The following INPP5J variants were observed in gnomAD, a reference collection of about 807,000 sequenced individuals.
The protein encoded by INPP5J is phosphatidylinositol 4,5-bisphosphate 5-phosphatase A.
Under a neutral mutation model 86.6 loss-of-function variants are expected in INPP5J, and 75 were observed. That is an observed-to-expected ratio of 0.87 (90% CI 0.72 to 1.05). INPP5J has a LOEUF of 1.05. Among genes scored for constraint, INPP5J ranks in the 50% least tolerant of loss-of-function variants. The pLI, the probability that INPP5J is intolerant of heterozygous loss-of-function variation, is 0.00. For missense variants in INPP5J, 1,229 were observed against 1,341.2 expected, an observed-to-expected ratio of 0.92 and a Z score of 1.31; for synonymous variants, 540 against 550.0, an observed-to-expected ratio of 0.98 and a Z score of 0.25.
intron 2 of INPP5J, 131 bp from the exon 3 acceptor site, chr22:31,126,245 C>T: frequency 2.4e-6 from 2 of 845,940 alleles, no homozygotes; most frequent in Non-Finnish European, 3.7e-6. Flanking sequence ...GATTCGGGGC[C>T]TCCTGTGGGT....
intron 12 of INPP5J, 40 bp downstream of exon 12, chr22:31,133,754 C>T: frequency 6.3e-7 from 1 of 1,581,752 alleles, no homozygotes; most frequent in Non-Finnish European, 8.7e-7. Flanking sequence ...TGCCTAAAGA[C>T]TTTTGTCAAA....
In INPP5J at chr22:31,125,852, A is replaced by G. The variant is rs1323491837; in HGVS notation, c.1113A>G (p.Pro371=). 6.2e-7 allele frequency: 1 copy of G among 1,610,432 alleles called. No homozygotes were observed. Among genetic ancestry groups the G allele is most frequent in the East Asian group, 2.2e-5 (1 of 44,736 alleles). The part of the protein sequence containing the change: ...CVPPAPDMAL[P]RLGTQSTGPG... ...CCCCAGCCCCTGACATGGCCCTCCC[A>G]AGGCTTGGCACACAGAGTACAGGGC... The change falls in exon 2 of 13, where the codon CCA becomes CCG. Residue 371 remains proline (P), a synonymous_variant. Transcript: ENST00000331075.
rs932174912 is a variant in INPP5J, at chr22:31,125,530, G to A, written c.791G>A (p.Gly264Asp). The change falls in exon 2 of 13, where the codon GGC becomes GAC. Residue 264 changes from glycine to aspartate, a missense_variant. By Grantham distance (94) the Gly-to-Asp change is moderately conservative (BLOSUM62 -1). Transcript: ENST00000331075. ...QPPAQTSGPT[G>D]SPPCIQTSPD... ...CCAGCTCAGACATCTGGTCCTACAG[G>A]CTCCCCACCCTGCATCCAAACCTCC... 4 of 1,550,320 alleles carry A rather than the reference G, an allele frequency of 2.6e-6. No homozygotes were observed. The highest frequency in any genetic ancestry group is 3.5e-6 in the Non-Finnish European group (4 of 1,146,962).
In INPP5J at chr22:31,133,433, G is replaced by A. The variant is rs1323984758; in HGVS notation, c.2359G>A (p.Val787Met). 1 of 1,613,820 alleles carries A rather than the reference G, an allele frequency of 6.2e-7. No individual in the cohort carries two copies. Among genetic ancestry groups the A allele is most frequent in the Non-Finnish European group, 8.5e-7 (1 of 1,179,876 alleles). Residue 787 changes from valine (V) to methionine (M), a missense_variant, in exon 11 of 13, where the codon GTG (valine) becomes ATG (methionine). Val to Met is a conservative substitution (Grantham distance 21). Coordinates refer to ENST00000331075, the MANE Select transcript of INPP5J (RefSeq NM_001284285.2). ...RVGFRHCKDY[V>M]AYVWAKHEDV... The stretch of plus-strand genomic sequence containing the variant: ...GGGTTTCCGCCATTGCAAGGACTAT[G>A]TGGCTTATGTCTGGGCCAAACATGA...
chr22:31,126,139 G>C, intron 2 of INPP5J, 129 bp downstream of exon 2: 1 of 990,920 alleles, frequency 1.0e-6, no homozygotes, highest in Non-Finnish European at 1.4e-6. Flanking sequence ...GGGGGTTGCT[G>C]GGCCCACTCT....
chr22:31,126,045 GC>G (rs774045269), intron 2 of INPP5J, 35 bp downstream of exon 2: 1,024 of 1,515,150 alleles, frequency 6.8e-4, no homozygotes, highest in Non-Finnish European at 6.4e-4. Flanking sequence ...GGTGGCTGGG[GC>G]TTAGCTCTGA....
rs1205087472 is a variant in INPP5J, at chr22:31,128,352, G to A, written c.2009+29G>A. 5 of 1,567,828 alleles carry A rather than the reference G, an allele frequency of 3.2e-6. No homozygotes were observed. The African/African-American group carries it at 4.1e-5, about 13-fold the overall frequency. The stretch of plus-strand genomic sequence containing the variant: ...AGCTCAGTCCGAGGAGGGACTGAGG[G>A]GAAGTGGGCTGAGGTCTTCTCGAAC... On this transcript the variant is annotated intron_variant, in intron 8 of 12. Transcript: ENST00000331075.
At position 31,134,528 on chromosome 22, in the gene INPP5J, C is replaced by G; in HGVS notation, c.*109C>G. 3 of 1,207,442 alleles carry G rather than the reference C, an allele frequency of 2.5e-6. No homozygotes were observed. The highest frequency in any genetic ancestry group is 3.3e-6 in the Non-Finnish European group (3 of 907,886). 74.8% of individuals were successfully genotyped at this position (1,207,442 alleles called of 1,614,324 possible). On this transcript the variant is annotated 3_prime_UTR_variant, in exon 13 of 13. Transcript: ENST00000331075. ...TCCAGCTGTATCTGCACCTGCCTCT[C>G]TGTCCTGGCCAGGGGTGGACAACTG...
At chr22:31,133,070 G>T in intron 9 of INPP5J, 28 bp from the exon 10 acceptor site, 1 of 1,553,496 alleles carries the variant, frequency 6.4e-7, no homozygotes, top group Non-Finnish European at 8.7e-7. Flanking sequence ...CCCTGATGTG[G>T]CCCCCTGCCC....
At chr22:31,133,873 T>C (rs771628185) in intron 12 of INPP5J, 40 bp from the exon 13 acceptor site, 2 of 1,597,488 alleles carry the variant, frequency 1.3e-6, no homozygotes, top group Admixed American at 3.4e-5. Context: ...AGTGGCTGGG[T>C]TGGGGAGCAG....
In INPP5J at chr22:31,134,106, C is replaced by T. The variant is rs1245377281; in HGVS notation, c.2708C>T (p.Ser903Phe). Reference sequence around the variant, plus strand: ...CCTGGGCTTGCCCTACGGCCCTCATCCCGTGAACGCCGTGGTGCCAGCCGT... The same window carrying T: ...CCTGGGCTTGCCCTACGGCCCTCATTCCGTGAACGCCGTGGTGCCAGCCGT... ...RFPGLALRPSSRERRGASRSP... is the reference protein window; with the variant it reads ...RFPGLALRPSFRERRGASRSP... The change falls in exon 13 of 13, where the codon TCC (serine) becomes TTC (phenylalanine). Residue 903 changes from serine (S) to phenylalanine (F), a missense_variant. By Grantham distance (155) the Ser-to-Phe change is radical (BLOSUM62 -2). Transcript: ENST00000331075. 3 of 1,552,690 alleles carry T rather than the reference C, an allele frequency of 1.9e-6. No individual in the cohort carries two copies. The highest frequency in any genetic ancestry group is 2.0e-5 in the Admixed American group (1 of 51,158).
At chr22:31,133,010 T>C in intron 9 of INPP5J, 88 bp from the exon 10 acceptor site, 1 of 1,513,222 alleles carries the variant, frequency 6.6e-7, no homozygotes, top group Non-Finnish European at 8.9e-7. Flanking sequence ...TCTCAGGCAA[T>C]TTGTGCTAAG....
rs1602732787 is a variant in INPP5J, at chr22:31,127,264, C to T, written c.1612-93C>T. On this transcript the variant is annotated intron_variant, in intron 5 of 12. Coordinates refer to ENST00000331075, the MANE Select transcript of INPP5J (RefSeq NM_001284285.2). The stretch of plus-strand genomic sequence containing the variant: ...CCTCATTTCTGTAGGACCCACCCAC[C>T]TTCCACCCACATCTCCTCTCTAACC... 6 of 1,228,934 alleles carry T rather than the reference C, an allele frequency of 4.9e-6. No homozygotes were observed. The East Asian group carries it at 1.5e-4, about 31-fold the overall frequency. The allele number at this position is 1,228,934 out of a possible 1,614,324, so 76.1% of individuals were successfully genotyped here.
chr22:31,123,529 A>C (rs1921062719), intron 1 of INPP5J, among the ~76,000 whole-genome samples: 1 of 152,216 alleles, frequency 6.6e-6, no homozygotes, highest in Admixed American at 6.5e-5. Context: ...GGAAGCCGGC[A>C]CACAGTGTGA....
intron 5 of INPP5J, 126 bp downstream of exon 5, chr22:31,127,163 C>A (rs986976806): frequency 1.2e-6 from 1 of 815,502 alleles, no homozygotes; most frequent in South Asian, 1.6e-5. Flanking sequence ...CCAGCCCCCC[C>A]ATGCACCACC....
At chr22:31,128,830 A>G (rs947251914) in intron 9 of INPP5J, among the ~76,000 whole-genome samples, 176 bp downstream of exon 9, 3 of 152,264 alleles carry the variant, frequency 2.0e-5, no homozygotes, top group Admixed American at 2.0e-4. Context: ...GCTGAGGCTC[A>G]GACACATGGC....
In INPP5J at chr22:31,125,511, C is replaced by G. The variant is rs936927867; in HGVS notation, c.772C>G (p.Gln258Glu). 9 of 1,550,422 alleles carry G rather than the reference C, an allele frequency of 5.8e-6. No homozygotes were observed. In the African/African-American group the frequency reaches 1.1e-4, roughly 19 times the overall value. Residue 258 changes from glutamine (Q) to glutamate (E), a missense_variant, in exon 2 of 13, where the codon CAG (glutamine) becomes GAG (glutamate). By Grantham distance (29) the Gln-to-Glu change is conservative. Coordinates refer to ENST00000331075, the MANE Select transcript of INPP5J (RefSeq NM_001284285.2). ...ASEGHLQPPAQTSGPTGSPPC... is the reference protein window; with the variant it reads ...ASEGHLQPPAETSGPTGSPPC... ...TGAGGGGCATCTCCAGCCTCCAGCT[C>G]AGACATCTGGTCCTACAGGCTCCCC...
Position 31,128,263 on chromosome 22 carries a change from G to C in INPP5J, c.1949G>C (p.Gly650Ala), listed in dbSNP as rs199758989. 3 of 1,601,916 alleles carry C rather than the reference G, an allele frequency of 1.9e-6. No homozygotes were observed. The African/African-American group carries it at 4.0e-5, about 21-fold the overall frequency. ...CCCATTCTGAAGGGCTTTCAGGAGG[G>C]GCCCCTCAACTTCGCTCCCACCTTC... is the stretch of plus-strand genomic sequence containing the variant. ...TWPILKGFQE[G>A]PLNFAPTFKF... The change falls in exon 8 of 13, where the codon GGG (glycine) becomes GCG (alanine). Residue 650 changes from glycine to alanine, a missense_variant. By Grantham distance (60) the Gly-to-Ala change is moderately conservative. Coordinates refer to ENST00000331075, the MANE Select transcript of INPP5J (RefSeq NM_001284285.2).
In INPP5J at chr22:31,133,143, G is replaced by A. The variant is rs1352984722; in HGVS notation, c.2239G>A (p.Asp747Asn). The A allele has an allele frequency of 6.4e-7, 1 of 1,574,644 alleles. No individual in the cohort carries two copies. The highest frequency in any genetic ancestry group is 8.6e-7 in the Non-Finnish European group (1 of 1,160,766). The change falls in exon 10 of 13, where the codon GAT becomes AAT. Residue 747 changes from aspartate (D) to asparagine (N), a missense_variant. Physicochemically the swap from Asp to Asn is conservative, Grantham distance 23. Coordinates refer to ENST00000331075, the MANE Select transcript of INPP5J (RefSeq NM_001284285.2). ...GCCACTGGTGCGGCTGGAGGTGGCA[G>A]ATGAGTGGGTGCGGCCCGAGCAGGC... Reference protein sequence around the residue: ...DMPLVRLEVADEWVRPEQAVV... With the variant: ...DMPLVRLEVANEWVRPEQAVV...
Sources: allele counts gnomAD v4.1 joint callset (sites outside exome capture counted in the v4.1 genomes callset), GRCh38; gene constraint gnomAD v4.1.1; transcripts MANE v1.5; gene names NCBI Gene and HGNC (gene_info 2026-07-23, HGNC 2026-07-21).